The following ATXN2 variants were observed in gnomAD, a reference collection of about 807,000 sequenced individuals.
ATXN2 encodes the protein ataxin 2.
ATXN2 carries 37 observed loss-of-function variants against 138.6 expected under a neutral mutation model. That is an observed-to-expected ratio of 0.27 (90% CI 0.21 to 0.35). The LOEUF is 0.35. ATXN2 is among the 10% of genes least tolerant of loss of function. ATXN2 has a pLI of 1.00. For missense variants in ATXN2, 1,216 were observed against 1,480.3 expected, an observed-to-expected ratio of 0.82 and a Z score of 2.93; for synonymous variants, 549 against 543.7, an observed-to-expected ratio of 1.01 and a Z score of -0.13.
chr12:111,463,543 C>T (rs906286872), intron 21 of ATXN2, among the ~76,000 whole-genome samples: 3 of 152,180 alleles, frequency 2.0e-5, no homozygotes, highest in Non-Finnish European at 4.4e-5. Flanking sequence ...TCCCAAAGTA[C>T]TGGGATTACA....
chr12:111,585,634 G>A lies in ATXN2; in HGVS notation c.251+13150C>T, dbSNP rs185960303. ...AGCCTGGCCAAAATGGGGAAACCCC[G>A]TCTCTACTAAAAATACAAAAATTAA... On this transcript the variant is annotated intron_variant, in intron 1 of 24. Transcript: ENST00000673436. Among the ~76,000 whole-genome samples, 79 of 151,578 alleles carry A rather than the reference G, an allele frequency of 5.2e-4. 1 individual carries two copies. The highest frequency in any genetic ancestry group is 1.9e-3 in the African/African-American group (78 of 41,384).
intron 5 of ATXN2, among the ~76,000 whole-genome samples, chr12:111,528,973 TTTTG>T (rs1880656690): frequency 6.6e-6 from 1 of 152,168 alleles, no homozygotes; most frequent in African/African-American, 2.4e-5. Flanking sequence ...AAAAATTTGT[TTTTG>T]TTTTTGTTTT....
chr12:111,510,689 T>G, intron 11 of ATXN2, 107 bp from the exon 12 acceptor site: 2 of 1,060,986 alleles, frequency 1.9e-6, no homozygotes, highest in Non-Finnish European at 2.7e-6. Flanking sequence ...CTGTCCTCTC[T>G]AGCCCTTACC....
rs1456945495 is a variant in ATXN2 at position 111,599,005 on chromosome 12, C to CTGT, written c.29_30insACA (p.Gln28dup). ...GCTGCTGCTGCTGCTGCTGCTGCTG[C>CTGT]TGCTGCTGCTGCTGGGGCTTCAGCG... On this transcript the variant is annotated inframe_insertion, in exon 1 of 25. Coordinates refer to ENST00000673436, the MANE Select transcript of ATXN2 (RefSeq NM_001372574.1). 6.6e-7 allele frequency: 1 copy of CTGT among 1,503,768 alleles called. No homozygotes were observed. The highest frequency in any genetic ancestry group is 1.4e-5 in the African/African-American group (1 of 69,298). 93.2% of individuals were successfully genotyped at this position (1,503,768 alleles called of 1,614,324 possible). A position where few individuals can be genotyped will look rare whatever the true frequency, so the allele number is the denominator to read the frequency against.
intron 1 of ATXN2, among the ~76,000 whole-genome samples, chr12:111,556,731 G>A (rs573714209): frequency 3.9e-4 from 59 of 151,642 alleles, no homozygotes; most frequent in African/African-American, 1.3e-3. Context: ...CAGAAGAATC[G>A]CCTGAACCTG....
At position 111,599,278 on chromosome 12, in the gene ATXN2, G is replaced by A. The variant is rs1316251005; in HGVS notation, c.-244C>T. On this transcript the variant is annotated 5_prime_UTR_variant, in exon 1 of 25. Coordinates refer to ENST00000673436, the MANE Select transcript of ATXN2 (RefSeq NM_001372574.1). ...GAAACGCGCCGCCGCCGTTGCCGTT[G>A]CTACCAAAACAGTCTGAGGCGGAGG... is the stretch of plus-strand genomic sequence containing the variant. 2.0e-6 allele frequency: 2 copies of A among 1,024,360 alleles called. No individual in the cohort carries two copies. The highest frequency in any genetic ancestry group is 2.3e-6 in the Non-Finnish European group (2 of 860,834). 63.5% of individuals were successfully genotyped at this position (1,024,360 alleles called of 1,614,324 possible).
chr12:111,587,675 A>G (rs577699229), intron 1 of ATXN2, among the ~76,000 whole-genome samples: 1 of 152,244 alleles, frequency 6.6e-6, no homozygotes, highest in East Asian at 1.9e-4. Flanking sequence ...GAAATTTAAA[A>G]AAAAACTGAT....
intron 1 of ATXN2, among the ~76,000 whole-genome samples, chr12:111,584,223 A>C (rs1225588961): frequency 6.6e-6 from 1 of 151,582 alleles, no homozygotes; most frequent in Non-Finnish European, 1.5e-5. Flanking sequence ...CTCTTCAAAA[A>C]ATACAAAAAT....
At chr12:111,525,652 T>C (rs1261168411) in intron 5 of ATXN2, among the ~76,000 whole-genome samples, 1 of 151,958 alleles carries the variant, frequency 6.6e-6, no homozygotes, top group Non-Finnish European at 1.5e-5. Context: ...AGTAAAGGTA[T>C]TTTCTTTTCA....
chr12:111,470,419 ATT>A lies in ATXN2; in HGVS notation c.2709+137_2709+138del, dbSNP rs59353361. ...AATCATCAGTAACCTTCGAATATAT[ATT>A]GAAAAGGGTCCCCAAGTCCTTAGCT... is the stretch of plus-strand genomic sequence containing the variant. On this transcript the variant is annotated intron_variant, in intron 19 of 24. Transcript: ENST00000673436. The A allele has an allele frequency of 3.2e-4, 377 of 1,166,210 alleles. 6 individuals are homozygous for A. The East Asian group carries it at 9.4e-3, about 29-fold the overall frequency. 72.2% of individuals were successfully genotyped at this position (1,166,210 alleles called of 1,614,324 possible). A position where few individuals can be genotyped will look rare whatever the true frequency, so the allele number is the denominator to read the frequency against.
intron 1 of ATXN2, among the ~76,000 whole-genome samples, chr12:111,574,220 A>G (rs1055480941): frequency 1.4e-5 from 2 of 146,676 alleles, no homozygotes; most frequent in African/African-American, 5.0e-5. Context: ...AGGCAGGAGA[A>G]TGGCGTGAAC....
chr12:111,599,345 G>A (rs1390837161), upstream of ATXN2: 7 of 1,158,652 alleles, frequency 6.0e-6, no homozygotes, highest in South Asian at 4.2e-5. Context: ...GGGGCCGGGC[G>A]GGGGAGGGGC....
intron 20 of ATXN2, chr12:111,469,417 C>A (rs1876249974): frequency 6.8e-6 from 1 of 146,612 alleles, no homozygotes; most frequent in South Asian, 2.2e-4. Flanking sequence ...TATTTTGGTA[C>A]TTTAGACAGC....
At chr12:111,576,745 G>T (rs1883675069) in intron 1 of ATXN2, among the ~76,000 whole-genome samples, 1 of 151,130 alleles carries the variant, frequency 6.6e-6, no homozygotes, top group African/African-American at 2.4e-5. Context: ...GGATCACAAA[G>T]TCAGGAGTTC....
chr12:111,570,006 A>G (rs77110671), intron 1 of ATXN2, among the ~76,000 whole-genome samples: 15,311 of 152,228 alleles, frequency 0.1, 2,569 homozygotes, highest in African/African-American at 0.35. Context: ...TTGAAATACG[A>G]TTAGTATGGC....
At chr12:111,477,015 T>G (rs549600706) in intron 18 of ATXN2, among the ~76,000 whole-genome samples, 1 of 151,972 alleles carries the variant, frequency 6.6e-6, no homozygotes, top group Non-Finnish European at 1.5e-5. Flanking sequence ...AGTTCACAAA[T>G]AGACACACAT....
At chr12:111,454,858 G>C (rs1442794628) in intron 23 of ATXN2, 1 of 548,498 alleles carries the variant, frequency 1.8e-6, no homozygotes, top group Admixed American at 3.0e-5. Context: ...CCAGCCTCTG[G>C]TAGACACCTA....
intron 20 of ATXN2, among the ~76,000 whole-genome samples, chr12:111,466,103 T>G (rs1875993134): frequency 6.8e-6 from 1 of 147,814 alleles, no homozygotes. Context: ...GAGGCGGAGT[T>G]TGCAGGGAGC....
intron 11 of ATXN2, 38 bp downstream of exon 11, chr12:111,513,318 AC>A: frequency 1.3e-6 from 2 of 1,599,892 alleles, no homozygotes; most frequent in Non-Finnish European, 1.7e-6. Context: ...TAGTGTAATG[AC>A]AAAATGAGTA....
Sources: gnomAD v4.1 joint callset for allele counts (sites outside exome capture counted in the v4.1 genomes callset) on GRCh38, gnomAD v4.1.1 for gene constraint, MANE v1.5 for transcripts, NCBI Gene and HGNC (gene_info 2026-07-23, HGNC 2026-07-21) for gene names.